Variants in EDNRB observed in about 807,000 individuals in gnomAD.
EDNRB encodes the protein Hirschsprung disease 2.
A neutral mutation model predicts 46.4 loss-of-function variants in EDNRB; 18 were observed. That is an observed-to-expected ratio of 0.39 (90% CI 0.27 to 0.57). The LOEUF (loss-of-function observed/expected upper bound fraction) is 0.57, where lower values mean the gene tolerates loss of function less well. Ranked by LOEUF, EDNRB falls within the 20% of genes least tolerant of loss-of-function variation. The probability of loss-of-function intolerance (pLI) is 0.61; values close to 1 mark genes in which losing one functional copy is unlikely to be tolerated. For synonymous variants in EDNRB, 213 were observed against 204.9 expected, an observed-to-expected ratio of 1.04 and a Z score of -0.34; for missense variants, 434 against 537.5, an observed-to-expected ratio of 0.81 and a Z score of 1.90.
At chr13:77,900,416 GGGTTAGAAAAAT>G in intron 5 of EDNRB, 93 bp downstream of exon 5, 2 of 1,538,590 alleles carry the variant, frequency 1.3e-6, no homozygotes, top group African/African-American at 2.7e-5. Context: ...GACTTCCTAA[GGGTTAGAAAAAT>G]GGTAGTCTGT....
intron 1 of EDNRB, among the ~76,000 whole-genome samples, chr13:77,972,711 T>A (rs1881772227): frequency 6.6e-6 from 1 of 152,058 alleles, no homozygotes; most frequent in South Asian, 2.1e-4. Context: ...AATGCAACAG[T>A]TTGAGGTGAA....
In EDNRB at chr13:77,896,403, T is replaced by C; in HGVS notation, c.*1797A>G. The C allele has an allele frequency of 6.5e-7, 1 of 1,528,984 alleles. No homozygotes were observed. Among genetic ancestry groups the C allele is most frequent in the South Asian group, 1.3e-5 (1 of 78,654 alleles). 94.7% of individuals were successfully genotyped at this position (1,528,984 alleles called of 1,614,324 possible). A position where few individuals can be genotyped will look rare whatever the true frequency, so the allele number is the denominator to read the frequency against. ...TTGGGATGAAATTAAAGAACAAGTT[T>C]GTGGGTGATTTATAAATAGAATCCA... On this transcript the variant is annotated 3_prime_UTR_variant, in exon 7 of 7. Transcript: ENST00000646607.
At chr13:77,932,557 T>A (rs914636296) in intron 1 of EDNRB, among the ~76,000 whole-genome samples, 4 of 152,214 alleles carry the variant, frequency 2.6e-5, no homozygotes, top group Non-Finnish European at 5.9e-5. Flanking sequence ...AGCCTGTGCC[T>A]ATGGCTACAG....
chr13:77,928,977 C>A (rs1418195671), intron 1 of EDNRB, among the ~76,000 whole-genome samples: 1 of 152,136 alleles, frequency 6.6e-6, no homozygotes, highest in Non-Finnish European at 1.5e-5. Flanking sequence ...GAAGTGGCAT[C>A]CAAAGTAGGC....
intron 1 of EDNRB, among the ~76,000 whole-genome samples, chr13:77,915,358 T>G (rs1879757889): frequency 6.6e-6 from 1 of 152,192 alleles, no homozygotes; most frequent in Non-Finnish European, 1.5e-5. Flanking sequence ...TACTGTGGGA[T>G]AGCATATTAT....
At chr13:77,957,580 A>G (rs545635955) in intron 1 of EDNRB, among the ~76,000 whole-genome samples, 54 of 152,366 alleles carry the variant, frequency 3.5e-4, no homozygotes, top group African/African-American at 1.3e-3. Context: ...TACCTATCCT[A>G]GAAGGCAGTC....
intron 1 of EDNRB, among the ~76,000 whole-genome samples, chr13:77,911,186 G>A (rs1879550045): frequency 6.6e-6 from 1 of 151,984 alleles, no homozygotes; most frequent in African/African-American, 2.4e-5. Context: ...ATCTGAGCTG[G>A]ATCTTCTAAG....
At position 77,904,764 on chromosome 13, in the gene EDNRB, G is replaced by A. The variant is rs1414928087; in HGVS notation, c.484-1157C>T. Among the ~76,000 whole-genome samples the A allele has an allele frequency of 2.6e-5, 4 of 151,922 alleles. No individual in the cohort carries two copies. In the East Asian group the frequency reaches 7.8e-4, roughly 29 times the overall value. On this transcript the variant is annotated intron_variant, in intron 1 of 6. Coordinates refer to ENST00000646607, the MANE Select transcript of EDNRB (RefSeq NM_001122659.3). ...ATGAATCATTTTAGGTGAACATCTG[G>A]ATCAAATGTTCATGAGGTTTTGAAA...
chr13:77,954,593 T>G (rs1159887103), intron 1 of EDNRB, among the ~76,000 whole-genome samples: 2 of 151,752 alleles, frequency 1.3e-5, no homozygotes, highest in Non-Finnish European at 2.9e-5. Context: ...CTCACTGCCA[T>G]CTTCACCTCC....
At chr13:77,925,686 C>T (rs1421976574) in intron 1 of EDNRB, among the ~76,000 whole-genome samples, 1 of 152,210 alleles carries the variant, frequency 6.6e-6, no homozygotes, top group Non-Finnish European at 1.5e-5. Flanking sequence ...TGGAGAACCT[C>T]GGCTAAGGCA....
intron 6 of EDNRB, 114 bp from the exon 7 acceptor site, chr13:77,898,448 T>C (rs1878755156): frequency 7.0e-7 from 1 of 1,429,016 alleles, no homozygotes; most frequent in Admixed American, 2.0e-5. Flanking sequence ...GGGCCCTTTC[T>C]TTCAGTGCTC....
chr13:77,896,246 T>A lies in EDNRB; in HGVS notation c.*1954A>T. The A allele has an allele frequency of 2.8e-6, 1 of 351,980 alleles. No homozygotes were observed. Among genetic ancestry groups the A allele is most frequent in the Non-Finnish European group, 4.5e-6 (1 of 222,428 alleles). The allele number at this position is 351,980 out of a possible 1,614,324, so 21.8% of individuals were successfully genotyped here. A position where few individuals can be genotyped will look rare whatever the true frequency, so the allele number is the denominator to read the frequency against. On this transcript the variant is annotated 3_prime_UTR_variant, in exon 7 of 7. Coordinates refer to ENST00000646607, the MANE Select transcript of EDNRB (RefSeq NM_001122659.3). ...CAGGATGTAAAAATTCAGTACATGG[T>A]AATAAAAATAATCTAAAATTTAAAT...
intron 1 of EDNRB, among the ~76,000 whole-genome samples, chr13:77,904,953 C>T (rs907377753): frequency 6.6e-6 from 1 of 151,896 alleles, no homozygotes; most frequent in Non-Finnish European, 1.5e-5. Context: ...ACTAGAATGA[C>T]GTCAAAGGCT....
At chr13:77,941,570 C>T (rs1346083328) in intron 1 of EDNRB, among the ~76,000 whole-genome samples, 1 of 152,198 alleles carries the variant, frequency 6.6e-6, no homozygotes, top group African/African-American at 2.4e-5. Context: ...TTCCTCACAG[C>T]AGCTTCATAT....
At chr13:77,964,753 T>G (rs1170707961) in intron 1 of EDNRB, among the ~76,000 whole-genome samples, 1 of 152,062 alleles carries the variant, frequency 6.6e-6, no homozygotes, top group Non-Finnish European at 1.5e-5. Context: ...GTTGTGCACA[T>G]GTACCCTAGA....
intron 1 of EDNRB, among the ~76,000 whole-genome samples, chr13:77,959,262 C>T (rs1881330569): frequency 1.3e-5 from 2 of 152,110 alleles, no homozygotes; most frequent in South Asian, 4.1e-4. Flanking sequence ...GTCCCTGACC[C>T]CCGAGTAACC....
chr13:77,918,348 T>G lies in EDNRB; in HGVS notation c.226A>C (p.Arg76=), dbSNP rs201207916. 69 of 1,613,684 alleles carry G rather than the reference T, an allele frequency of 4.3e-5. No homozygotes were observed. Among genetic ancestry groups the G allele is most frequent in the Non-Finnish European group, 5.7e-5 (67 of 1,179,804 alleles). ...LAPAEVPKGD[R]TAGSPPRTIS... ...GTGCGTGGCGGAGATCCTGCCGTCCTGTCTCCTTTAGGCACCTCCGCAGGT... is the reference window on the plus strand; with the variant it reads ...GTGCGTGGCGGAGATCCTGCCGTCCGGTCTCCTTTAGGCACCTCCGCAGGT... The change falls in exon 1 of 7, where the codon AGG becomes CGG. Residue 76 remains arginine (R), a synonymous_variant. Coordinates refer to ENST00000646607, the MANE Select transcript of EDNRB (RefSeq NM_001122659.3). The surrounding 1 kb of genome is among the most constrained non-coding windows in gnomAD (Gnocchi z 4.5).
At chr13:77,919,792 CA>C (rs1477691857), upstream of EDNRB, 2 of 604,224 alleles carry the variant, frequency 3.3e-6, no homozygotes, top group African/African-American at 3.7e-5. Context: ...CTACGCTCTT[CA>C]AATGAACCCA....
chr13:77,923,446 T>C (rs914107839), upstream of EDNRB, among the ~76,000 whole-genome samples: 1 of 152,204 alleles, frequency 6.6e-6, no homozygotes, highest in African/African-American at 2.4e-5. Flanking sequence ...TGTGCCGTCT[T>C]GGTTTGTCAA....
Sources: gnomAD v4.1 joint callset for allele counts (sites outside exome capture counted in the v4.1 genomes callset) on GRCh38, gnomAD v4.1.1 for gene constraint, Gnocchi (gnomAD v3.1) non-coding constraint, MANE v1.5 for transcripts, NCBI Gene and HGNC (gene_info 2026-07-23, HGNC 2026-07-21) for gene names.